The following OPHN1 variants were observed in gnomAD, a reference collection of about 807,000 sequenced individuals.
OPHN1 encodes the protein oligophrenin 1, also known as oligophrenin-1.
A neutral mutation model predicts 60.7 loss-of-function variants in OPHN1; 11 were observed. The ratio of observed to expected loss-of-function variants is 0.18; its 90% CI spans 0.11 to 0.30. The LOEUF is 0.30. OPHN1 is among the 10% of genes least tolerant of loss of function. The pLI is 1.00. For missense variants in OPHN1, 449 were observed against 611.0 expected (o/e 0.73, Z 2.80); for synonymous variants, 226 against 222.6 (o/e 1.02, Z -0.14).
intron 19 of OPHN1, among the ~76,000 whole-genome samples, chrX:68,096,348 T>G (rs2077038203): frequency 1.8e-5 from 2 of 112,149 alleles, no homozygotes; most frequent in Middle Eastern, 4.2e-3. Context: ...AAACTTAGTA[T>G]AAAAAATGCA....
At chrX:68,063,192 T>TA (rs1226938889) in intron 21 of OPHN1, among the ~76,000 whole-genome samples, 32 of 106,973 alleles carry the variant, frequency 3.0e-4, no homozygotes, top group Non-Finnish European at 6.0e-4. Context: ...ATTTCCAAAT[T>TA]AAAAAAAACA....
At chrX:68,398,962 T>C (rs754586355) in intron 2 of OPHN1, among the ~76,000 whole-genome samples, 1 of 20,710 alleles carries the variant, frequency 4.8e-5, no homozygotes, top group African/African-American at 6.3e-5. Context: ...ACAAAAAAAG[T>C]GTGTGTGTGT....
intron 5 of OPHN1, among the ~76,000 whole-genome samples, chrX:68,266,044 A>G (rs912140194): frequency 4.5e-5 from 5 of 111,861 alleles, no homozygotes; most frequent in Non-Finnish European, 7.5e-5. Flanking sequence ...GACCAAATCT[A>G]CGTCTGATTG....
Position 68,113,164 on chromosome X carries a change from G to A in OPHN1, c.1420+17C>T, listed in dbSNP as rs767171255. 5 of 1,176,833 alleles carry A rather than the reference G, an allele frequency of 4.2e-6. No homozygotes were observed. The Admixed American group carries it at 6.6e-5, about 15-fold the overall frequency. On this transcript the variant is annotated intron_variant, in intron 17 of 24. Coordinates refer to ENST00000355520, the MANE Select transcript of OPHN1 (RefSeq NM_002547.3). ...GAAACTAGGACAACACAGTTAATTA[G>A]TAACATAAATACTTACTGGCAGCAG...
chrX:68,228,806 C>G (rs929013725), intron 6 of OPHN1, among the ~76,000 whole-genome samples: 1 of 110,709 alleles, frequency 9.0e-6, no homozygotes, highest in Non-Finnish European at 1.9e-5. Context: ...GCCAATATCT[C>G]ACTGAATGGG....
intron 15 of OPHN1, among the ~76,000 whole-genome samples, chrX:68,169,417 T>G (rs1266774899): frequency 8.2e-5 from 9 of 110,312 alleles, no homozygotes; most frequent in African/African-American, 3.0e-4. Flanking sequence ...CTTCACAGAA[T>G]TGGAAAAAAC....
intron 5 of OPHN1, among the ~76,000 whole-genome samples, chrX:68,256,605 C>T (rs746524569): frequency 4.5e-5 from 5 of 111,867 alleles, no homozygotes; most frequent in Non-Finnish European, 7.5e-5. Context: ...TTTGTGTCAA[C>T]CTGGCATGGA....
Position 68,277,039 on chromosome X carries a change from T to C in OPHN1, c.313-2230A>G, listed in dbSNP as rs187159683. Reference sequence around the variant, plus strand: ...GAATCGCCCAGCTGACCCGTCTGAATGCCTAACCCAAAAAATAATTACAAA... The same window carrying C: ...GAATCGCCCAGCTGACCCGTCTGAACGCCTAACCCAAAAAATAATTACAAA... On this transcript the variant is annotated intron_variant, in intron 4 of 24. Transcript: ENST00000355520. Among the ~76,000 whole-genome samples, 630 of 111,874 alleles carry C rather than the reference T, an allele frequency of 5.6e-3. 7 individuals are homozygous for C. Among genetic ancestry groups the C allele is most frequent in the African/African-American group, 0.019 (599 of 30,821 alleles).
intron 2 of OPHN1, among the ~76,000 whole-genome samples, chrX:68,368,883 A>G (rs2078512886): frequency 8.9e-6 from 1 of 112,012 alleles, no homozygotes; most frequent in Admixed American, 9.6e-5. Flanking sequence ...TGGAAAAGTA[A>G]GTAAACCAAA....
At chrX:68,151,773 T>C (rs1469198731) in intron 15 of OPHN1, among the ~76,000 whole-genome samples, 4 of 111,912 alleles carry the variant, frequency 3.6e-5, no homozygotes, top group African/African-American at 1.3e-4. Flanking sequence ...CCCTCACATC[T>C]TTACTTCCTT....
intron 3 of OPHN1, among the ~76,000 whole-genome samples, chrX:68,292,007 T>A (rs1205090953): frequency 8.9e-6 from 1 of 111,812 alleles, no homozygotes; most frequent in Non-Finnish European, 1.9e-5. Flanking sequence ...CCAATGTACA[T>A]ATTTCAGAAA....
chrX:68,280,524 G>A (rs1327548007), intron 4 of OPHN1, among the ~76,000 whole-genome samples: 1 of 111,571 alleles, frequency 9.0e-6, no homozygotes, highest in Non-Finnish European at 1.9e-5. Flanking sequence ...TGAGAAGTCA[G>A]TACCACACTG....
intron 6 of OPHN1, among the ~76,000 whole-genome samples, chrX:68,231,508 G>T (rs1235270197): frequency 9.0e-6 from 1 of 111,302 alleles, no homozygotes; most frequent in African/African-American, 3.3e-5. Context: ...ATTTTTTATC[G>T]CAGCTTTAAT....
intron 20 of OPHN1, chrX:68,070,781 TA>T: frequency 2.6e-6 from 3 of 1,157,735 alleles, no homozygotes; most frequent in Non-Finnish European, 3.5e-6. Context: ...ACAATCTGCT[TA>T]GCCCAAGTGA....
At chrX:68,263,043 C>A (rs2077902620) in intron 5 of OPHN1, among the ~76,000 whole-genome samples, 1 of 111,623 alleles carries the variant, frequency 9.0e-6, no homozygotes, top group African/African-American at 3.3e-5. Flanking sequence ...AGACATGTTG[C>A]CCCCAAATTC....
chrX:68,421,715 G>GA (rs2078827067), intron 2 of OPHN1, among the ~76,000 whole-genome samples: 1 of 111,787 alleles, frequency 8.9e-6, no homozygotes, highest in African/African-American at 3.3e-5. Context: ...AGTCCTTAAT[G>GA]AAAACCTTTT....
chrX:68,060,201 T>C (rs761099427), intron 21 of OPHN1, among the ~76,000 whole-genome samples: 2 of 111,179 alleles, frequency 1.8e-5, no homozygotes, highest in Non-Finnish European at 3.8e-5. Context: ...AATAGGCTTG[T>C]ATAATTTTGT....
chrX:68,300,508 C>T (rs756349314), intron 2 of OPHN1, among the ~76,000 whole-genome samples: 2 of 112,412 alleles, frequency 1.8e-5, no homozygotes, highest in South Asian at 7.4e-4. Flanking sequence ...GTTAGCATGG[C>T]TTCTCACAAT....
chrX:68,377,742 C>G (rs1252262067), intron 2 of OPHN1, among the ~76,000 whole-genome samples: 1 of 110,652 alleles, frequency 9.0e-6, no homozygotes, highest in Admixed American at 9.8e-5. Flanking sequence ...CATCCATGTC[C>G]CTACAAAGGA....
Sources: gnomAD v4.1 joint callset for allele counts (sites outside exome capture counted in the v4.1 genomes callset) on GRCh38, gnomAD v4.1.1 for gene constraint, MANE v1.5 for transcripts, NCBI Gene and HGNC (gene_info 2026-07-23, HGNC 2026-07-21) for gene names.